The following PIGL variants were observed in gnomAD, a reference collection of about 807,000 sequenced individuals.
PIGL encodes the protein phosphatidylinositol glycan anchor biosynthesis class L, also known as N-acetylglucosaminyl-phosphatidylinositol de-N-acetylase.
A neutral mutation model predicts 31.1 loss-of-function variants in PIGL; 22 were observed. The observed-to-expected ratio is 0.71, with a 90% CI of 0.51 to 1.01. The LOEUF (loss-of-function observed/expected upper bound fraction) is 1.01. Among genes scored for constraint, PIGL ranks in the 50% least tolerant of loss-of-function variants. The pLI, the probability that PIGL is intolerant of heterozygous loss-of-function variation, is 0.00. For missense variants in PIGL, 302 were observed against 315.9 expected, an observed-to-expected ratio of 0.96 and a Z score of 0.33; for synonymous variants, 131 against 117.4, an observed-to-expected ratio of 1.12 and a Z score of -0.75.
At chr17:16,278,724 A>T (rs1015936463) in intron 2 of PIGL, among the ~76,000 whole-genome samples, 1 of 151,882 alleles carries the variant, frequency 6.6e-6, no homozygotes, top group Non-Finnish European at 1.5e-5. Context: ...AAAAAAAAAA[A>T]ATCCACATTC....
chr17:16,244,709 C>T (rs1600768588), intron 2 of PIGL, among the ~76,000 whole-genome samples: 1 of 152,166 alleles, frequency 6.6e-6, no homozygotes, highest in East Asian at 1.9e-4. Context: ...GGGTCTCACT[C>T]TGTCACCCAG....
rs538089512 is a variant in PIGL at position 16,244,823 on chromosome 17, C to T, written c.335+10753C>T. Reference sequence around the variant, plus strand: ...CCGAGTAGCTGGGACTACAGGCACACGTCACCACATCTAGCTAATTTTTTT... The same window carrying T: ...CCGAGTAGCTGGGACTACAGGCACATGTCACCACATCTAGCTAATTTTTTT... On this transcript the variant is annotated intron_variant, in intron 2 of 6. Transcript: ENST00000225609. 1.2e-4 allele frequency among the ~76,000 whole-genome samples: 19 copies of T among 152,102 alleles called. 1 individual carries two copies. The highest frequency in any genetic ancestry group is 1.1e-3 in the Admixed American group (17 of 15,252).
At chr17:16,317,007 C>T (rs2093080775) in intron 5 of PIGL, 3 of 1,180,440 alleles carry the variant, frequency 2.5e-6, no homozygotes, top group Admixed American at 7.3e-5. Flanking sequence ...CCAGTCTGAA[C>T]TCAATCCCAT....
chr17:16,228,891 A>C (rs568500099), intron 1 of PIGL, among the ~76,000 whole-genome samples: 1 of 152,296 alleles, frequency 6.6e-6, no homozygotes, highest in South Asian at 2.1e-4. Flanking sequence ...AATAAGTGGA[A>C]TCATACAATA....
Position 16,306,818 on chromosome 17 carries a change from C to T in PIGL, c.427-6729C>T, listed in dbSNP as rs183144665. On this transcript the variant is annotated intron_variant, in intron 3 of 6. Coordinates refer to ENST00000225609, the MANE Select transcript of PIGL (RefSeq NM_004278.4). ...TGCTGTGATTACAGGCGTGAGCCAC[C>T]GCACCCGGCTGGCTTTTAAACAATA... Among the ~76,000 whole-genome samples, 47 of 152,230 alleles carry T rather than the reference C, an allele frequency of 3.1e-4. 1 individual carries two copies. The highest frequency in any genetic ancestry group is 6.8e-3 in the Middle Eastern group (2 of 294).
intron 2 of PIGL, among the ~76,000 whole-genome samples, chr17:16,287,903 G>A (rs1481654944): frequency 6.6e-6 from 1 of 152,224 alleles, no homozygotes; most frequent in Non-Finnish European, 1.5e-5. Context: ...TGCCTGAGCT[G>A]ACGTTGGCCT....
At chr17:16,250,458 C>T (rs1031933456) in intron 2 of PIGL, among the ~76,000 whole-genome samples, 2 of 152,148 alleles carry the variant, frequency 1.3e-5, no homozygotes, top group Non-Finnish European at 1.5e-5. Context: ...AATACAGTCA[C>T]ATTTTGGGTT....
chr17:16,237,519 G>A (rs1356073231), intron 2 of PIGL, among the ~76,000 whole-genome samples: 1 of 151,876 alleles, frequency 6.6e-6, no homozygotes, highest in African/African-American at 2.4e-5. Flanking sequence ...TGGAATCTCT[G>A]GTTGGGTGTG....
chr17:16,239,517 A>T (rs934078911), intron 2 of PIGL, among the ~76,000 whole-genome samples: 10 of 152,074 alleles, frequency 6.6e-5, no homozygotes, highest in African/African-American at 2.4e-4. Context: ...AGAAAAAGAA[A>T]AGGCAGTAAA....
intron 2 of PIGL, chr17:16,282,047 C>T (rs1286715479): frequency 1.9e-6 from 1 of 520,382 alleles, no homozygotes; most frequent in Admixed American, 2.0e-5. Context: ...GACTGTAACT[C>T]ACCATAGTGG....
At chr17:16,296,021 A>G (rs186269628) in intron 2 of PIGL, among the ~76,000 whole-genome samples, 3 of 152,320 alleles carry the variant, frequency 2.0e-5, no homozygotes, top group Admixed American at 6.5e-5. Flanking sequence ...GTGATCTCCA[A>G]ACATTTTTAT....
chr17:16,236,053 A>C (rs2092698641), intron 2 of PIGL, among the ~76,000 whole-genome samples: 1 of 152,192 alleles, frequency 6.6e-6, no homozygotes, highest in Non-Finnish European at 1.5e-5. Context: ...TGTACTATCT[A>C]TAATTCTTTT....
chr17:16,252,714 T>A (rs2092777910), intron 2 of PIGL, among the ~76,000 whole-genome samples: 1 of 152,180 alleles, frequency 6.6e-6, no homozygotes, highest in Non-Finnish European at 1.5e-5. Flanking sequence ...TAATTCTGTG[T>A]ACATTTTGAT....
chr17:16,231,812 A>G (rs1001183725), intron 1 of PIGL, among the ~76,000 whole-genome samples: 3 of 152,148 alleles, frequency 2.0e-5, no homozygotes, highest in Admixed American at 6.6e-5. Context: ...CATTAATTTT[A>G]TTATTTTCTG....
intron 2 of PIGL, among the ~76,000 whole-genome samples, chr17:16,238,730 G>C (rs2092710017): frequency 6.7e-6 from 1 of 150,158 alleles, no homozygotes; most frequent in Admixed American, 6.6e-5. Context: ...CCAAAATGGT[G>C]AAACCCCGTC....
chr17:16,223,433 C>T (rs1345824752), intron 1 of PIGL, among the ~76,000 whole-genome samples: 3 of 151,740 alleles, frequency 2.0e-5, no homozygotes, highest in Non-Finnish European at 4.4e-5. Flanking sequence ...AAAAATTAGC[C>T]GGGTGTGGTG....
intron 2 of PIGL, among the ~76,000 whole-genome samples, chr17:16,258,779 G>A (rs1325671102): frequency 1.3e-5 from 2 of 152,174 alleles, no homozygotes; most frequent in Non-Finnish European, 2.9e-5. Flanking sequence ...AGGATTAAAG[G>A]TGTGAGCCAC....
intron 4 of PIGL, among the ~76,000 whole-genome samples, chr17:16,314,134 A>G (rs1393047358): frequency 3.9e-5 from 6 of 152,190 alleles, no homozygotes; most frequent in Admixed American, 3.9e-4. Context: ...ACTGATATTT[A>G]TTTGCATTTT....
intron 3 of PIGL, among the ~76,000 whole-genome samples, chr17:16,303,509 G>A (rs560929281): frequency 2.6e-5 from 4 of 151,488 alleles, no homozygotes; most frequent in South Asian, 2.1e-4. Context: ...CAAGGAAATC[G>A]TATAAAACAG....
Sources: allele counts gnomAD v4.1 joint callset (sites outside exome capture counted in the v4.1 genomes callset), GRCh38; gene constraint gnomAD v4.1.1; transcripts MANE v1.5; gene names NCBI Gene and HGNC (gene_info 2026-07-23, HGNC 2026-07-21).